Variants in PCDH7 observed in about 807,000 individuals in gnomAD.
PCDH7 encodes the protein protocadherin-7.
A neutral mutation model predicts 58.9 loss-of-function variants in PCDH7; 17 were observed. The ratio of observed to expected loss-of-function variants is 0.29; its 90% confidence interval spans 0.20 to 0.43. The LOEUF is 0.43. Among genes scored for constraint, PCDH7 ranks in the 20% least tolerant of loss-of-function variants. PCDH7 has a pLI of 1.00. For missense variants in PCDH7, 1,274 were observed against 1,441.0 expected, an observed-to-expected ratio of 0.88 and a Z score of 1.88; for synonymous variants, 664 against 616.4, an observed-to-expected ratio of 1.08 and a Z score of -1.14.
At position 31,005,595 on chromosome 4, in the gene PCDH7, A is replaced by G. The variant is rs146199486; in HGVS notation, c.*7+55380A>G. Among the ~76,000 whole-genome samples the G allele has an allele frequency of 4.8e-3, 732 of 152,306 alleles. 5 individuals are homozygous for G. The highest frequency in any genetic ancestry group is 5.4e-3 in the Non-Finnish European group (365 of 68,018). On this transcript the variant is annotated intron_variant, in intron 3 of 3. Coordinates refer to the PCDH7 transcript ENST00000509759. ...CGGCATGATACGATTTCAAAACCATATAACACTTTTTCTCCCTGTGCTTGT... is the reference window on the plus strand; with the variant it reads ...CGGCATGATACGATTTCAAAACCATGTAACACTTTTTCTCCCTGTGCTTGT...
intron 3 of PCDH7, among the ~76,000 whole-genome samples, chr4:31,039,096 T>G (rs1755641666): frequency 6.6e-6 from 1 of 152,276 alleles, no homozygotes; most frequent in East Asian, 1.9e-4. Context: ...CTGTAAGAAT[T>G]ATCAATTCTA....
intron 1 of PCDH7, among the ~76,000 whole-genome samples, chr4:30,778,295 CA>C (rs1722338106): frequency 6.6e-6 from 1 of 152,178 alleles, no homozygotes; most frequent in Non-Finnish European, 1.5e-5. Context: ...TACAAAAGAG[CA>C]AAAGAGAAGC....
intron 3 of PCDH7, among the ~76,000 whole-genome samples, chr4:31,063,451 T>A (rs1401701303): frequency 6.6e-6 from 1 of 151,790 alleles, no homozygotes. Context: ...GCTTTTTTAA[T>A]CTGGGGCCTG....
At chr4:31,113,527 G>A (rs1240248455) in intron 3 of PCDH7, among the ~76,000 whole-genome samples, 2 of 152,120 alleles carry the variant, frequency 1.3e-5, no homozygotes, top group East Asian at 3.9e-4. Flanking sequence ...CTGTGACATA[G>A]AGAAGCTAAA....
intron 3 of PCDH7, among the ~76,000 whole-genome samples, chr4:31,054,564 G>C (rs575603304): frequency 9.9e-5 from 15 of 152,162 alleles, no homozygotes; most frequent in Non-Finnish European, 2.2e-4. Context: ...TCTAGATCTG[G>C]TGCTTCTAAC....
At chr4:31,071,902 A>G (rs1578716710) in intron 3 of PCDH7, among the ~76,000 whole-genome samples, 1 of 152,204 alleles carries the variant, frequency 6.6e-6, no homozygotes, top group East Asian at 1.9e-4. Flanking sequence ...AGGTGGTGAG[A>G]ACACTATTTA....
intron 3 of PCDH7, among the ~76,000 whole-genome samples, chr4:30,951,771 AGAG>A (rs1263295645): frequency 3.3e-5 from 5 of 152,172 alleles, no homozygotes; most frequent in African/African-American, 1.2e-4. Flanking sequence ...GGCGAAGTTG[AGAG>A]GGGACAAGAT....
intron 1 of PCDH7, among the ~76,000 whole-genome samples, chr4:30,755,657 C>T (rs960245810): frequency 6.6e-6 from 1 of 152,110 alleles, no homozygotes; most frequent in African/African-American, 2.4e-5. Flanking sequence ...TTTTTTGTTG[C>T]TCAGGAATAC....
chr4:31,057,696 G>C (rs1401298802), intron 3 of PCDH7, among the ~76,000 whole-genome samples: 2 of 152,100 alleles, frequency 1.3e-5, no homozygotes, highest in Non-Finnish European at 2.9e-5. Context: ...ACTTAGTTTA[G>C]AAAAATTTAT....
intron 1 of PCDH7, among the ~76,000 whole-genome samples, chr4:30,836,880 C>A (rs1326662670): frequency 1.3e-5 from 2 of 152,152 alleles, no homozygotes; most frequent in Non-Finnish European, 2.9e-5. Context: ...TGTTTTATTT[C>A]AACAGCCAAG....
rs562402295 is a variant in PCDH7 at position 30,834,273 on chromosome 4, T to C, written c.71-85880T>C. ...GTTTGCTGTTACCATCTTGAAATTC[T>C]TAATAATTTTTGAACAAAGGGCCCT... On this transcript the variant is annotated intron_variant, in intron 1 of 3. Coordinates refer to the PCDH7 transcript ENST00000509759. Among the ~76,000 whole-genome samples the C allele has an allele frequency of 2.4e-4, 37 of 152,312 alleles. 1 individual carries two copies. Among genetic ancestry groups the C allele is most frequent in the African/African-American group, 7.9e-4 (33 of 41,560 alleles).
chr4:31,085,036 C>T (rs1416743151), intron 3 of PCDH7, among the ~76,000 whole-genome samples: 1 of 152,118 alleles, frequency 6.6e-6, no homozygotes, highest in East Asian at 1.9e-4. Context: ...GAGAGTAATT[C>T]ACGCAGAGCC....
chr4:30,746,677 C>T (rs1717818015), intron 1 of PCDH7, among the ~76,000 whole-genome samples: 1 of 152,124 alleles, frequency 6.6e-6, no homozygotes, highest in Non-Finnish European at 1.5e-5. Context: ...GAGGATATTT[C>T]CACTGGTAAA....
Position 30,883,212 on chromosome 4 carries a change from C to G in PCDH7, c.71-36941C>G, listed in dbSNP as rs531553845. Among the ~76,000 whole-genome samples the G allele has an allele frequency of 3.3e-5, 5 of 152,282 alleles. No homozygotes were observed. In the East Asian group the frequency reaches 9.7e-4, roughly 29 times the overall value. On this transcript the variant is annotated intron_variant, in intron 1 of 3. Coordinates refer to the PCDH7 transcript ENST00000509759. ...TCGAGAGAAAGAAATGTTATCTTCTCTTTTATAGAGGAAAAAACCTAGGAA... is the reference window on the plus strand; with the variant it reads ...TCGAGAGAAAGAAATGTTATCTTCTGTTTTATAGAGGAAAAAACCTAGGAA...
chr4:31,113,831 C>CTTTTTTT (rs35105911), intron 3 of PCDH7, among the ~76,000 whole-genome samples: 2 of 107,504 alleles, frequency 1.9e-5, no homozygotes, highest in African/African-American at 3.8e-5. Context: ...GTTAACCTTT[C>CTTTTTTT]TTTTTTTTTT....
At chr4:30,736,696 C>T (rs1716340839), downstream of PCDH7, among the ~76,000 whole-genome samples, 1 of 151,912 alleles carries the variant, frequency 6.6e-6, no homozygotes. Context: ...CCATTGCTCC[C>T]GGCTAATTTT....
chr4:31,084,749 AGGGGAGGGGAGGAGATGGGGAGGAG>A (rs1245782228), intron 3 of PCDH7, among the ~76,000 whole-genome samples: 4 of 43,770 alleles, frequency 9.1e-5, no homozygotes, highest in Non-Finnish European at 1.3e-4. Flanking sequence ...GGGATGAGGG[AGGGGAGGGGAGGAGATGGGGAGGAG>A]GGGGAGGGGA....
At position 30,818,091 on chromosome 4, in the gene PCDH7, A is replaced by G. The variant is rs551678630; in HGVS notation, c.70+93495A>G. 3.3e-5 allele frequency among the ~76,000 whole-genome samples: 5 copies of G among 152,182 alleles called. No homozygotes were observed. The East Asian group carries it at 5.8e-4, about 18-fold the overall frequency. On this transcript the variant is annotated intron_variant, in intron 1 of 3. Coordinates refer to the PCDH7 transcript ENST00000509759. ...CTGTACCTGCTTAGCCTTTTGAGCC[A>G]TTTCTTCCAAATTTCCTCAGAGCTC... is the stretch of plus-strand genomic sequence containing the variant.
chr4:30,810,533 A>G (rs1395940728), intron 1 of PCDH7, among the ~76,000 whole-genome samples: 1 of 151,478 alleles, frequency 6.6e-6, no homozygotes. Context: ...AATGATGAAA[A>G]CTCTTGTAAA....
Sources: gnomAD v4.1 joint callset for allele counts (sites outside exome capture counted in the v4.1 genomes callset) on GRCh38, gnomAD v4.1.1 for gene constraint, MANE v1.5 for transcripts, NCBI Gene and HGNC (gene_info 2026-07-23, HGNC 2026-07-21) for gene names.